The following FARP1 variants were observed in gnomAD, a reference collection of about 807,000 sequenced individuals.
FARP1 encodes the protein FERM, ARH/RhoGEF and pleckstrin domain protein 1, also known as FERM, ARHGEF and pleckstrin domain-containing protein 1.
In FARP1, 52 loss-of-function variants were observed where a neutral mutation model predicts 128.8. The ratio of observed to expected loss-of-function variants is 0.40; its 90% CI spans 0.32 to 0.51. The LOEUF (loss-of-function observed/expected upper bound fraction) is 0.51. Ranked by LOEUF, FARP1 falls within the 20% of genes least tolerant of loss-of-function variation. The pLI is 0.45. For synonymous variants in FARP1, 580 were observed against 551.8 expected, an observed-to-expected ratio of 1.05 and a Z score of -0.72; for missense variants, 1,333 against 1,367.9, an observed-to-expected ratio of 0.97 and a Z score of 0.40.
intron 4 of FARP1, among the ~76,000 whole-genome samples, chr13:98,366,605 T>C (rs1889096437): frequency 6.6e-6 from 1 of 152,268 alleles, no homozygotes; most frequent in African/African-American, 2.4e-5. Flanking sequence ...GGAGCATTAC[T>C]GTAGTTGTCT....
chr13:98,445,858 T>TGTCG, intron 24 of FARP1: 1 of 357,672 alleles, frequency 2.8e-6, no homozygotes, highest in Non-Finnish European at 4.8e-6. Flanking sequence ...GACCTCAACG[T>TGTCG]GTCTTTTGGG....
intron 3 of FARP1, among the ~76,000 whole-genome samples, chr13:98,354,849 A>G (rs60764945): frequency 2.9e-3 from 446 of 152,324 alleles, no homozygotes; most frequent in African/African-American, 0.01. Context: ...CATTTATCCA[A>G]AGTTCTTAAG....
intron 1 of FARP1, among the ~76,000 whole-genome samples, chr13:98,185,287 A>C (rs1008669621): frequency 6.6e-6 from 1 of 152,218 alleles, no homozygotes; most frequent in Admixed American, 6.5e-5. Context: ...GTTGATACAA[A>C]AGCAGTATAC....
rs201280328 is a variant in FARP1 at position 98,454,101 on chromosome 13, A to G, written c.*5784A>G. On this transcript the variant is annotated 3_prime_UTR_variant, in exon 27 of 27. Coordinates refer to ENST00000319562, the MANE Select transcript of FARP1 (RefSeq NM_005766.4). ...TACATGAACAACTTCTGTATCCTAA[A>G]TTAAGTACTATAGAAATTCTAAAAA... The G allele has an allele frequency of 6.6e-6, 1 of 152,164 alleles. No homozygotes were observed. Among genetic ancestry groups the G allele is most frequent in the Non-Finnish European group, 1.5e-5 (1 of 68,028 alleles). 9.4% of individuals were successfully genotyped at this position (152,164 alleles called of 1,614,324 possible). A position where few individuals can be genotyped will look rare whatever the true frequency, so the allele number is the denominator to read the frequency against.
intron 1 of FARP1, among the ~76,000 whole-genome samples, chr13:98,144,220 G>T (rs112842761): frequency 5.2e-4 from 76 of 146,484 alleles, no homozygotes; most frequent in African/African-American, 2.0e-3. Context: ...GTGTGTGTGT[G>T]TGTGTGTTTT....
At chr13:98,291,872 T>G (rs796690817) in intron 2 of FARP1, among the ~76,000 whole-genome samples, 34 of 152,262 alleles carry the variant, frequency 2.2e-4, no homozygotes, top group African/African-American at 7.0e-4. Flanking sequence ...CTGGCCCAAT[T>G]CCCCTGCATT....
chr13:98,199,087 C>T (rs367945812), intron 1 of FARP1, among the ~76,000 whole-genome samples: 52 of 150,356 alleles, frequency 3.5e-4, no homozygotes, highest in African/African-American at 1.1e-3. Context: ...TCTCTATTTT[C>T]GCACTTCTAT....
At chr13:98,338,506 G>A (rs1396862149) in intron 2 of FARP1, 1 of 152,172 alleles carries the variant, frequency 6.6e-6, no homozygotes, top group Non-Finnish European at 1.5e-5. Flanking sequence ...TCTTTTGAAG[G>A]TTGCATCATC....
intron 1 of FARP1, among the ~76,000 whole-genome samples, chr13:98,203,363 C>G (rs556105101): frequency 1.3e-5 from 2 of 152,214 alleles, no homozygotes; most frequent in African/African-American, 4.8e-5. Flanking sequence ...ATTTCTATCT[C>G]CCCAAAAAGA....
At chr13:98,159,916 G>A in intron 1 of FARP1, among the ~76,000 whole-genome samples, 1 of 152,204 alleles carries the variant, frequency 6.6e-6, no homozygotes, top group Non-Finnish European at 1.5e-5. Flanking sequence ...GTTGGAGGAT[G>A]AAAATCTGGT....
chr13:98,440,314 C>T, intron 23 of FARP1, 79 bp downstream of exon 23: 2 of 1,017,956 alleles, frequency 2.0e-6, no homozygotes, highest in Non-Finnish European at 3.1e-6. Flanking sequence ...AAAGCCACCC[C>T]ATCGGGTAGG....
At chr13:98,292,104 C>T (rs1277345300) in intron 2 of FARP1, among the ~76,000 whole-genome samples, 1 of 152,220 alleles carries the variant, frequency 6.6e-6, no homozygotes, top group African/African-American at 2.4e-5. Flanking sequence ...CTGCTCTTAA[C>T]AAAGTATAGT....
At chr13:98,355,529 G>A (rs938599194) in intron 3 of FARP1, among the ~76,000 whole-genome samples, 3 of 152,042 alleles carry the variant, frequency 2.0e-5, no homozygotes, top group Non-Finnish European at 2.9e-5. Flanking sequence ...ACATTCTCAG[G>A]GCCGCATCCC....
chr13:98,385,394 AC>A (rs1890055953), intron 7 of FARP1, among the ~76,000 whole-genome samples: 1 of 150,114 alleles, frequency 6.7e-6, no homozygotes. Flanking sequence ...CTTAAAGGAA[AC>A]TCTTTGAGAT....
At chr13:98,405,825 C>T (rs771155010) in intron 13 of FARP1, 9 of 152,190 alleles carry the variant, frequency 5.9e-5, no homozygotes, top group Non-Finnish European at 1.3e-4. Flanking sequence ...GCTAGAAATA[C>T]CGAGGCATTG....
At position 98,241,962 on chromosome 13, in the gene FARP1, A is replaced by T. The variant is rs146738030; in HGVS notation, c.171+28549A>T. Among the ~76,000 whole-genome samples the T allele has an allele frequency of 6.8e-3, 1,036 of 152,224 alleles. 4 individuals carry two copies. The highest frequency in any genetic ancestry group is 0.011 in the Non-Finnish European group (747 of 68,004). ...AACAACAAAACTTAAAAAATTAACC[A>T]GGCACGGTGGTATGTGCCTGTAGTC... is the stretch of plus-strand genomic sequence containing the variant. On this transcript the variant is annotated intron_variant, in intron 2 of 26. Coordinates refer to ENST00000319562, the MANE Select transcript of FARP1 (RefSeq NM_005766.4).
intron 1 of FARP1, among the ~76,000 whole-genome samples, chr13:98,145,210 G>A (rs72653381): frequency 0.079 from 12,048 of 152,162 alleles, 595 homozygotes; most frequent in African/African-American, 0.13. Context: ...ATGGGAAACT[G>A]GAAACCCTCG....
chr13:98,395,643 C>A, intron 13 of FARP1, 167 bp downstream of exon 13: 1 of 806,844 alleles, frequency 1.2e-6, no homozygotes, highest in South Asian at 2.2e-5. Context: ...ATCTGACCAG[C>A]GGTGTCTATC....
intron 16 of FARP1, among the ~76,000 whole-genome samples, chr13:98,418,270 GTTTT>G (rs1891462716): frequency 7.0e-6 from 1 of 143,824 alleles, no homozygotes; most frequent in Admixed American, 6.9e-5. Context: ...GTTTTGTTTT[GTTTT>G]GTTTTTTGTT....
Sources: gnomAD v4.1 joint callset for allele counts (sites outside exome capture counted in the v4.1 genomes callset) on GRCh38, gnomAD v4.1.1 for gene constraint, MANE v1.5 for transcripts, NCBI Gene and HGNC (gene_info 2026-07-23, HGNC 2026-07-21) for gene names.